The following KIR2DL1 variants were observed in gnomAD, a reference collection of about 807,000 sequenced individuals.
KIR2DL1 encodes killer cell immunoglobulin like receptor, two Ig domains and long cytoplasmic tail 1, also known as killer cell immunoglobulin-like receptor 2DL1.
Under a neutral mutation model 33.9 loss-of-function variants are expected in KIR2DL1, and 38 were observed. That is an observed-to-expected ratio of 1.12 (90% CI 0.86 to 1.47). The LOEUF (loss-of-function observed/expected upper bound fraction) is 1.47, where lower values mean the gene tolerates loss of function less well. KIR2DL1 is among the 40% of genes most tolerant of loss of function. The pLI is 0.00. For missense variants in KIR2DL1, 531 were observed against 433.9 expected (o/e 1.22, Z -1.99); for synonymous variants, 179 against 165.9 (o/e 1.08, Z -0.61).
intron 2 of KIR2DL1, among the ~76,000 whole-genome samples, chr19:54,772,579 C>T (rs1311687238): frequency 6.9e-6 from 1 of 145,904 alleles, no homozygotes; most frequent in African/African-American, 2.5e-5. Flanking sequence ...GTGGCAGGTG[C>T]ATGTAATCCT....
chr19:54,779,771 A>C lies in KIR2DL1; in HGVS notation c.715+1109A>C, dbSNP rs538208484. ...CTTCCACAAACAGTGAACAAGATGC[A>C]TTTGGCCTCTGCCCTTGGGACACTG... On this transcript the variant is annotated intron_variant, in intron 5 of 7. Coordinates refer to ENST00000336077, the MANE Select transcript of KIR2DL1 (RefSeq NM_014218.3). Among the ~76,000 whole-genome samples the C allele has an allele frequency of 6.3e-4, 94 of 149,252 alleles. 4 individuals carry two copies. The highest frequency in any genetic ancestry group is 1.4e-3 in the Admixed American group (20 of 14,696).
chr19:54,770,805 G>C lies in KIR2DL1; in HGVS notation c.35-44G>C, dbSNP rs771061842. 1.8e-5 allele frequency: 28 copies of C among 1,580,580 alleles called. 4 individuals carry two copies. The highest frequency in any genetic ancestry group is 2.3e-5 in the Non-Finnish European group (27 of 1,153,350). On this transcript the variant is annotated intron_variant, in intron 1 of 7. Coordinates refer to ENST00000336077, the MANE Select transcript of KIR2DL1 (RefSeq NM_014218.3). ...CCAGTGGGGGCAGCAAGGGTGCCCT[G>C]GTTTGCCTGCAGATGGGTCATCCAT...
In KIR2DL1 at chr19:54,770,446, A is replaced by G. The variant is rs1422341864; in HGVS notation, c.35-403A>G. Among the ~76,000 whole-genome samples, 6 of 130,388 alleles carry G rather than the reference A, an allele frequency of 4.6e-5. 1 individual carries two copies. Among genetic ancestry groups the G allele is most frequent in the African/African-American group, 1.8e-4 (6 of 34,222 alleles). The allele number at this position is 130,388 out of a possible 152,430, so 85.5% of individuals were successfully genotyped here. On this transcript the variant is annotated intron_variant, in intron 1 of 7. Transcript: ENST00000336077. The stretch of plus-strand genomic sequence containing the variant: ...CCTGGGTGTGGAGATATGGGACTGG[A>G]GAGGATATATGGGCCTGGAGTGGAG...
Position 54,783,826 on chromosome 19 carries a change from G to A in KIR2DL1, c.*13G>A. The A allele has an allele frequency of 6.2e-7, 1 of 1,613,914 alleles. No homozygotes were observed. The highest frequency in any genetic ancestry group is 8.5e-7 in the Non-Finnish European group (1 of 1,179,944). Reference sequence around the variant, plus strand: ...CTCCTGCCCATGAGCACCACAGTCAGGCCTTGAGGGCGTCTTCTAGGGAGA... The same window carrying A: ...CTCCTGCCCATGAGCACCACAGTCAAGCCTTGAGGGCGTCTTCTAGGGAGA... On this transcript the variant is annotated 3_prime_UTR_variant, in exon 8 of 8. Coordinates refer to ENST00000336077, the MANE Select transcript of KIR2DL1 (RefSeq NM_014218.3).
rs1366657226 is a variant in KIR2DL1, at chr19:54,770,939, T to TG, written c.70+56dup. The TG allele has an allele frequency of 6.4e-6, 10 of 1,568,080 alleles. 1 individual carries two copies. The East Asian group carries it at 2.2e-4, about 35-fold the overall frequency. Reference sequence around the variant, plus strand: ...ATCTCCCCACATAAGAGGATTTTCCTGAAATGGGAGGGAAGTCCTGTCAGG... The same window carrying TG: ...ATCTCCCCACATAAGAGGATTTTCCTGGAAATGGGAGGGAAGTCCTGTCAGG... On this transcript the variant is annotated intron_variant, in intron 2 of 7. Coordinates refer to ENST00000336077, the MANE Select transcript of KIR2DL1 (RefSeq NM_014218.3).
In KIR2DL1 at chr19:54,781,554, C is replaced by G. The variant is rs1472739627; in HGVS notation, c.716-1368C>G. ...TTGAAGTGAGTCCAGATCTTGGAAT[C>G]AGAGATCAGCGACAGCACTAGCTCC... On this transcript the variant is annotated intron_variant, in intron 5 of 7. Coordinates refer to ENST00000336077, the MANE Select transcript of KIR2DL1 (RefSeq NM_014218.3). Among the ~76,000 whole-genome samples, 11 of 150,852 alleles carry G rather than the reference C, an allele frequency of 7.3e-5. 1 individual carries two copies. Among genetic ancestry groups the G allele is most frequent in the Non-Finnish European group, 1.3e-4 (9 of 67,308 alleles).
intron 4 of KIR2DL1, among the ~76,000 whole-genome samples, chr19:54,775,900 A>G (rs752516950): frequency 6.9e-6 from 1 of 144,174 alleles, no homozygotes; most frequent in African/African-American, 2.5e-5. Flanking sequence ...CACTTTTAAC[A>G]TTTTTTTTTG....
In KIR2DL1 at chr19:54,773,369, G is replaced by A. The variant is rs371289444; in HGVS notation, c.107G>A (p.Gly36Asp). The A allele has an allele frequency of 4.9e-3, 7,830 of 1,598,146 alleles. 271 individuals are homozygous for A. The highest frequency in any genetic ancestry group is 6.1e-3 in the Non-Finnish European group (7,127 of 1,169,430). Residue 36 changes from glycine to aspartate, a missense_variant, in exon 3 of 8, where the codon GGT becomes GAT. Coordinates refer to ENST00000336077, the MANE Select transcript of KIR2DL1 (RefSeq NM_014218.3). ...AAACCTTCCCTCCTGGCCCACCCAG[G>A]TCGCCTGGTGAAATCAGAAGAGACA... The part of the protein sequence containing the change: ...HRKPSLLAHP[G>D]RLVKSEETVI...
rs1415804844 is a variant in KIR2DL1 at position 54,776,689 on chromosome 19, G to A, written c.664+1231G>A. 2.1e-5 allele frequency among the ~76,000 whole-genome samples: 3 copies of A among 143,864 alleles called. No individual in the cohort carries two copies. In the Admixed American group the frequency reaches 2.1e-4, roughly 10 times the overall value. 94.4% of individuals were successfully genotyped at this position (143,864 alleles called of 152,430 possible). A position where few individuals can be genotyped will look rare whatever the true frequency, so the allele number is the denominator to read the frequency against. On this transcript the variant is annotated intron_variant, in intron 4 of 7. Transcript: ENST00000336077. Reference sequence around the variant, plus strand: ...GAGTTTCCCTCCTTAGCCCAAGCTGGAGTCAAAGTGGTGCAACCTTGGCTC... The same window carrying A: ...GAGTTTCCCTCCTTAGCCCAAGCTGAAGTCAAAGTGGTGCAACCTTGGCTC...
At chr19:54,773,246 C>T (rs1162557924) in intron 2 of KIR2DL1, 87 bp from the exon 3 acceptor site, 2 of 1,383,612 alleles carry the variant, frequency 1.4e-6, no homozygotes, top group African/African-American at 2.9e-5. Flanking sequence ...GATAAGACAC[C>T]AGGAAGGGGA....
intron 5 of KIR2DL1, 151 bp downstream of exon 5, chr19:54,778,813 T>A (rs2076646533): frequency 9.5e-7 from 1 of 1,054,428 alleles, no homozygotes. Context: ...GCGAAAGGGA[T>A]CTGGGCCCAA....
rs577893603 is a variant in KIR2DL1, at chr19:54,778,277, C to A, written c.665-335C>A. Among the ~76,000 whole-genome samples, 253 of 149,302 alleles carry A rather than the reference C, an allele frequency of 1.7e-3. 5 individuals are homozygous for A. Among genetic ancestry groups the A allele is most frequent in the African/African-American group, 6.0e-3 (245 of 40,948 alleles). On this transcript the variant is annotated intron_variant, in intron 4 of 7. Transcript: ENST00000336077. ...CCATCTCAAAAGAAAAAATAAAAAA[C>A]CATTGGATGTAAATGCATGGAATAT... is the stretch of plus-strand genomic sequence containing the variant.
chr19:54,782,793 C>A (rs1600882865), intron 5 of KIR2DL1, 129 bp from the exon 6 acceptor site: 2 of 944,228 alleles, frequency 2.1e-6, no homozygotes, highest in Non-Finnish European at 3.4e-6. Flanking sequence ...AAAGCTGGGT[C>A]TCCTGCCATC....
At chr19:54,782,586 G>A (rs28433625) in intron 5 of KIR2DL1, among the ~76,000 whole-genome samples, 2,216 of 151,614 alleles carry the variant, frequency 0.015, 6 homozygotes, top group African/African-American at 0.051. Flanking sequence ...TGCTAACCCC[G>A]TCTCCTTGGG....
chr19:54,783,504 A>T lies in KIR2DL1; in HGVS notation c.836A>T (p.Gln279Leu). The change falls in exon 7 of 8, where the codon CAA becomes CTA. Residue 279 changes from glutamine (Q) to leucine (L), a missense_variant. Transcript: ENST00000336077. ...TCTACAGATGCTGCGGTAATGGACC[A>T]AGAGTCTGCAGGAAACAGAACAGCG... ...SNKKNAAVMDQESAGNRTANS... is the reference protein window; with the variant it reads ...SNKKNAAVMDLESAGNRTANS... The T allele has an allele frequency of 6.2e-7, 1 of 1,613,650 alleles. No individual in the cohort carries two copies. The highest frequency in any genetic ancestry group is 1.3e-5 in the African/African-American group (1 of 74,966).
chr19:54,775,413 T>A lies in KIR2DL1; in HGVS notation c.619T>A (p.Tyr207Asn). 1.3e-6 allele frequency: 2 copies of A among 1,584,592 alleles called. 1 individual carries two copies. Among genetic ancestry groups the A allele is most frequent in the Non-Finnish European group, 1.7e-6 (2 of 1,156,568 alleles). The change falls in exon 4 of 8, where the codon TAC becomes AAC. Residue 207 changes from tyrosine to asparagine, a missense_variant. Tyr to Asn is a moderately radical substitution (Grantham distance 143). Coordinates refer to ENST00000336077, the MANE Select transcript of KIR2DL1 (RefSeq NM_014218.3). ...RCFGSFHDSP[Y>N]EWSKSSDPLL... The stretch of plus-strand genomic sequence containing the variant: ...CTTCGGCTCTTTCCATGACTCTCCA[T>A]ACGAGTGGTCAAAGTCAAGTGACCC...
At chr19:54,781,007 C>T (rs1459190034) in intron 5 of KIR2DL1, among the ~76,000 whole-genome samples, 1 of 90,164 alleles carries the variant, frequency 1.1e-5, no homozygotes, top group African/African-American at 4.5e-5. Flanking sequence ...AACCCTATCT[C>T]TACTAAAAAT....
chr19:54,780,591 G>T (rs539868351), intron 5 of KIR2DL1, among the ~76,000 whole-genome samples: 1 of 144,682 alleles, frequency 6.9e-6, no homozygotes, highest in East Asian at 1.9e-4. Flanking sequence ...AATAAGGGAG[G>T]CCCAGGTGCA....
Position 54,783,399 on chromosome 19 carries a change from G to C in KIR2DL1, c.818-87G>C, listed in dbSNP as rs1475923397. 2.7e-6 allele frequency: 4 copies of C among 1,484,256 alleles called. No individual in the cohort carries two copies. In the African/African-American group the frequency reaches 4.2e-5, roughly 15 times the overall value. 91.9% of individuals were successfully genotyped at this position (1,484,256 alleles called of 1,614,324 possible). On this transcript the variant is annotated intron_variant, in intron 6 of 7. Coordinates refer to ENST00000336077, the MANE Select transcript of KIR2DL1 (RefSeq NM_014218.3). ...AACTGAGGGACCTCAGCCACCTATGGTCTCCCCCTGTATGTTGGTATCTGC... is the reference window on the plus strand; with the variant it reads ...AACTGAGGGACCTCAGCCACCTATGCTCTCCCCCTGTATGTTGGTATCTGC...
Sources: allele counts gnomAD v4.1 joint callset (sites outside exome capture counted in the v4.1 genomes callset), GRCh38; gene constraint gnomAD v4.1.1; transcripts MANE v1.5; gene names NCBI Gene and HGNC (gene_info 2026-07-23, HGNC 2026-07-21).